Variants in POT1 observed in about 807,000 individuals in gnomAD.
POT1 encodes protection of telomeres protein 1.
A neutral mutation model predicts 78.5 loss-of-function variants in POT1; 47 were observed. The observed-to-expected ratio is 0.60, with a 90% CI of 0.47 to 0.76. POT1 has a LOEUF of 0.76. Among genes scored for constraint, POT1 ranks in the 30% least tolerant of loss-of-function variants. The pLI is 0.00. For missense variants in POT1, 646 were observed against 749.9 expected (o/e 0.86, Z 1.62); for synonymous variants, 259 against 260.7 (o/e 0.99, Z 0.06).
rs141407528 is a variant in POT1 at position 124,842,882 on chromosome 7, C to G, written c.1088G>C (p.Arg363Pro). 6.2e-7 allele frequency: 1 copy of G among 1,610,956 alleles called. No individual in the cohort carries two copies. Among genetic ancestry groups the G allele is most frequent in the Admixed American group, 1.7e-5 (1 of 59,200 alleles). ...GGGCTTATATGACCTCAATTTTGCTCGGATGCGGTATTGTTGAGGAGCTTT... is the reference window on the plus strand; with the variant it reads ...GGGCTTATATGACCTCAATTTTGCTGGGATGCGGTATTGTTGAGGAGCTTT... ...KQKAPQQYRI[R>P]AKLRSYKPRR... is the part of the protein sequence containing the mutation. The change falls in exon 13 of 19, where the codon CGA (arginine) becomes CCA (proline). Residue 363 changes from arginine to proline, a missense_variant. Coordinates refer to ENST00000357628, the MANE Select transcript of POT1 (RefSeq NM_015450.3).
intron 3 of POT1, among the ~76,000 whole-genome samples, chr7:124,913,338 T>C (rs1796937071): frequency 6.6e-6 from 1 of 152,224 alleles, no homozygotes; most frequent in South Asian, 2.1e-4. Context: ...CTTTTTGTTG[T>C]TGAATTTAAG....
chr7:124,879,706 T>G (rs1035069292), intron 6 of POT1, among the ~76,000 whole-genome samples: 8 of 152,130 alleles, frequency 5.3e-5, no homozygotes, highest in African/African-American at 1.9e-4. Context: ...ATTAGGATAA[T>G]GTAGTGTTTT....
At chr7:124,905,234 T>C (rs933771113) in intron 3 of POT1, among the ~76,000 whole-genome samples, 5 of 152,240 alleles carry the variant, frequency 3.3e-5, no homozygotes, top group Middle Eastern at 3.4e-3. Context: ...CAAACTATAC[T>C]ACAGGGCTAC....
intron 3 of POT1, among the ~76,000 whole-genome samples, chr7:124,902,576 A>C (rs1050540542): frequency 6.6e-6 from 1 of 152,232 alleles, no homozygotes; most frequent in East Asian, 1.9e-4. Flanking sequence ...AAAACATGCC[A>C]AATTGTAAAG....
chr7:124,921,605 C>T (rs746792398), intron 2 of POT1, among the ~76,000 whole-genome samples: 18 of 151,720 alleles, frequency 1.2e-4, no homozygotes, highest in Admixed American at 3.3e-4. Context: ...TGTCCCTCAC[C>T]CCCTCAACTA....
At chr7:124,851,500 A>G (rs1795304875) in intron 11 of POT1, among the ~76,000 whole-genome samples, 1 of 152,116 alleles carries the variant, frequency 6.6e-6, no homozygotes. Flanking sequence ...GTATACATCT[A>G]ACATAACTAT....
chr7:124,852,153 G>GA (rs1360614377), intron 10 of POT1, among the ~76,000 whole-genome samples: 1 of 152,060 alleles, frequency 6.6e-6, no homozygotes, highest in Admixed American at 6.6e-5. Flanking sequence ...AGATACAAGT[G>GA]AAACAGCAGA....
intron 2 of POT1, among the ~76,000 whole-genome samples, chr7:124,919,834 T>C (rs1247884663): frequency 6.6e-6 from 1 of 152,166 alleles, no homozygotes; most frequent in African/African-American, 2.4e-5. Context: ...CTGGGGATTT[T>C]CTAAGCTCAG....
intron 6 of POT1, among the ~76,000 whole-genome samples, chr7:124,882,370 A>G (rs1796139586): frequency 6.6e-6 from 1 of 152,064 alleles, no homozygotes; most frequent in Non-Finnish European, 1.5e-5. Context: ...CTGTCATCTT[A>G]CTTCTTTTAC....
intron 6 of POT1, among the ~76,000 whole-genome samples, chr7:124,877,428 C>T (rs1028237786): frequency 6.6e-6 from 1 of 151,890 alleles, no homozygotes; most frequent in South Asian, 2.1e-4. Flanking sequence ...AAGCAGAGTA[C>T]GGACAATAGT....
intron 14 of POT1, 80 bp downstream of exon 14, chr7:124,840,893 T>C: frequency 8.6e-7 from 1 of 1,167,984 alleles, no homozygotes. Context: ...AGGTTGTCTG[T>C]AAAATGTATT....
chr7:124,849,812 C>T (rs1242782272), intron 11 of POT1, among the ~76,000 whole-genome samples: 3 of 151,924 alleles, frequency 2.0e-5, no homozygotes, highest in Non-Finnish European at 2.9e-5. Context: ...AAAAAAAGAT[C>T]TATAATATAT....
intron 7 of POT1, among the ~76,000 whole-genome samples, chr7:124,870,542 T>C (rs1795841506): frequency 6.6e-6 from 1 of 152,132 alleles, no homozygotes; most frequent in South Asian, 2.1e-4. Context: ...CTAATCTTTG[T>C]ATACATTTTT....
intron 8 of POT1, among the ~76,000 whole-genome samples, chr7:124,862,334 A>T (rs1795618149): frequency 6.6e-6 from 1 of 152,200 alleles, no homozygotes; most frequent in African/African-American, 2.4e-5. Context: ...TCCTTGTCAT[A>T]GGAAGTGTTC....
intron 9 of POT1, among the ~76,000 whole-genome samples, chr7:124,854,645 AAAATAC>A (rs1242258151): frequency 2.0e-5 from 3 of 151,998 alleles, no homozygotes; most frequent in African/African-American, 7.2e-5. Context: ...AGGAGCAGAC[AAAATAC>A]AAGCCTTTCC....
At chr7:124,895,241 A>G (rs912743430) in intron 5 of POT1, among the ~76,000 whole-genome samples, 4 of 151,668 alleles carry the variant, frequency 2.6e-5, no homozygotes, top group Non-Finnish European at 4.4e-5. Flanking sequence ...CAGCACAGGC[A>G]TATGTCCATG....
intron 7 of POT1, among the ~76,000 whole-genome samples, 163 bp from the exon 8 acceptor site, chr7:124,863,803 C>T (rs1795658125): frequency 6.6e-6 from 1 of 152,042 alleles, no homozygotes; most frequent in African/African-American, 2.4e-5. Flanking sequence ...GTAAATTCTA[C>T]ACTCAAGTGC....
intron 18 of POT1, among the ~76,000 whole-genome samples, chr7:124,824,947 T>C (rs1794593930): frequency 6.6e-6 from 1 of 152,174 alleles, no homozygotes; most frequent in African/African-American, 2.4e-5. Flanking sequence ...AATTCATCAC[T>C]TTTGGTCTAA....
intron 2 of POT1, among the ~76,000 whole-genome samples, chr7:124,918,475 G>C (rs1269790092): frequency 1.3e-5 from 2 of 152,166 alleles, no homozygotes; most frequent in Non-Finnish European, 2.9e-5. Flanking sequence ...GTAGTAATAA[G>C]AAACATAAGA....
Sources: gnomAD v4.1 joint callset for allele counts (sites outside exome capture counted in the v4.1 genomes callset) on GRCh38, gnomAD v4.1.1 for gene constraint, MANE v1.5 for transcripts, NCBI Gene and HGNC (gene_info 2026-07-23, HGNC 2026-07-21) for gene names.